YEATS2: variants seen among roughly 807,000 people sequenced by gnomAD.
YEATS2 encodes the protein YEATS domain containing 2, also known as YEATS domain-containing protein 2.
A neutral mutation model predicts 163.2 loss-of-function variants in YEATS2; 77 were observed. The observed-to-expected ratio is 0.47, with a 90% confidence interval of 0.39 to 0.57. The LOEUF (loss-of-function observed/expected upper bound fraction) is 0.57, where lower values mean the gene tolerates loss of function less well. YEATS2 is among the 20% of genes least tolerant of loss of function. The pLI is 0.00. For missense variants in YEATS2, 1,549 were observed against 1,729.8 expected (o/e 0.90, Z 1.85); for synonymous variants, 631 against 645.1 (o/e 0.98, Z 0.33).
At chr3:183,760,241 T>C (rs1721197774) in intron 13 of YEATS2, among the ~76,000 whole-genome samples, 2 of 152,156 alleles carry the variant, frequency 1.3e-5, no homozygotes, top group Non-Finnish European at 2.9e-5. Flanking sequence ...GAAGTGTTCT[T>C]CGTTTCCAAA....
intron 10 of YEATS2, among the ~76,000 whole-genome samples, chr3:183,753,222 T>G (rs1720367378): frequency 6.6e-6 from 1 of 152,172 alleles, no homozygotes; most frequent in Admixed American, 6.6e-5. Flanking sequence ...TAAGAAAAGA[T>G]TCATCACCAA....
intron 17 of YEATS2, among the ~76,000 whole-genome samples, 182 bp from the exon 18 acceptor site, chr3:183,775,733 A>C (rs1197074835): frequency 6.6e-6 from 1 of 152,212 alleles, no homozygotes. Context: ...TTTGATCTAA[A>C]ATCTAGGAAG....
intron 25 of YEATS2, chr3:183,801,944 G>T: frequency 6.3e-6 from 1 of 159,440 alleles, no homozygotes. Context: ...TTACAGATGA[G>T]GAAACTGAGG....
chr3:183,722,238 GA>G (rs1716576769), intron 5 of YEATS2, 102 bp downstream of exon 5: 1 of 1,200,864 alleles, frequency 8.3e-7, no homozygotes, highest in South Asian at 1.9e-5. Flanking sequence ...GGAATCTTAG[GA>G]AATAGGTTTG....
chr3:183,780,000 C>CTTT (rs71298586), intron 19 of YEATS2, among the ~76,000 whole-genome samples: 2 of 134,810 alleles, frequency 1.5e-5, no homozygotes, highest in African/African-American at 2.8e-5. Context: ...CTGGCCTTTA[C>CTTT]TTTTTTTTTT....
intron 1 of YEATS2, among the ~76,000 whole-genome samples, chr3:183,711,451 A>C (rs577684892): frequency 4.1e-4 from 60 of 146,288 alleles, no homozygotes; most frequent in Admixed American, 1.9e-3. Flanking sequence ...CCAGCCTGGG[A>C]GACAGCGAGA....
chr3:183,747,568 TG>T, intron 8 of YEATS2, 103 bp from the exon 9 acceptor site: 2 of 802,388 alleles, frequency 2.5e-6, no homozygotes. Context: ...GTAGATCCTA[TG>T]GTATGAAGAC....
intron 10 of YEATS2, among the ~76,000 whole-genome samples, chr3:183,752,859 A>T (rs913668265): frequency 6.6e-6 from 1 of 151,652 alleles, no homozygotes; most frequent in Non-Finnish European, 1.5e-5. Flanking sequence ...GTGCAGTGGC[A>T]TGATCTCGCC....
At chr3:183,788,545 C>A (rs1219620203) in intron 20 of YEATS2, among the ~76,000 whole-genome samples, 1 of 152,190 alleles carries the variant, frequency 6.6e-6, no homozygotes. Flanking sequence ...TTATCGTTCA[C>A]CTGGTGATGG....
At chr3:183,741,181 C>T (rs1330896445) in intron 8 of YEATS2, among the ~76,000 whole-genome samples, 5 of 151,960 alleles carry the variant, frequency 3.3e-5, no homozygotes, top group Non-Finnish European at 7.4e-5. Flanking sequence ...TCAAGTGATC[C>T]ACCCGCCTCA....
chr3:183,811,163 G>A lies in YEATS2; in HGVS notation c.*580G>A, dbSNP rs1208989845. The A allele has an allele frequency of 6.5e-6, 1 of 153,254 alleles. No individual in the cohort carries two copies. Among genetic ancestry groups the A allele is most frequent in the Non-Finnish European group, 1.5e-5 (1 of 68,836 alleles). The allele number at this position is 153,254 out of a possible 1,614,324, so 9.5% of individuals were successfully genotyped here. On this transcript the variant is annotated 3_prime_UTR_variant, in exon 31 of 31. Coordinates refer to ENST00000305135, the MANE Select transcript of YEATS2 (RefSeq NM_018023.5). ...AACCATGAAGGCCTGAGAGACGGCA[G>A]ACTGAGCAGAATTCCTTTTTTGAGC...
rs772974744 is a variant in YEATS2, at chr3:183,712,759, T to C, written c.-19-2385T>C. Among the ~76,000 whole-genome samples the C allele has an allele frequency of 1.4e-3, 191 of 139,480 alleles. 1 individual carries two copies. The highest frequency in any genetic ancestry group is 2.1e-3 in the Non-Finnish European group (140 of 65,172). 91.5% of individuals were successfully genotyped at this position (139,480 alleles called of 152,430 possible). On this transcript the variant is annotated intron_variant, in intron 1 of 30. Coordinates refer to ENST00000305135, the MANE Select transcript of YEATS2 (RefSeq NM_018023.5). ...GCCTTAGGATTGTGGCTAATACTAA[T>C]ACAAATTTTTTTTTTTTTTCGAGAG...
intron 1 of YEATS2, among the ~76,000 whole-genome samples, chr3:183,699,279 A>C (rs1260611252): frequency 2.0e-5 from 3 of 151,892 alleles, no homozygotes; most frequent in Non-Finnish European, 2.9e-5. Flanking sequence ...AATGGAAGAG[A>C]GAAATTTGAG....
chr3:183,802,404 T>C (rs1239858089), intron 25 of YEATS2: 2 of 153,050 alleles, frequency 1.3e-5, no homozygotes, highest in Non-Finnish European at 2.9e-5. Context: ...TGGGGGATCA[T>C]TTTGATGTCT....
Position 183,807,059 on chromosome 3 carries a change from A to G in YEATS2, c.3978A>G (p.Pro1326=). The G allele has an allele frequency of 6.2e-7, 1 of 1,613,958 alleles. No individual in the cohort carries two copies. The highest frequency in any genetic ancestry group is 8.5e-7 in the Non-Finnish European group (1 of 1,179,978). ...EEVKFYLPPT[P]GSEFIGDVTQ... ...TCAAGTTCTACCTGCCACCAACCCC[A>G]GGGTCTGAATTTATTGGGGATGTCA... Residue 1326 remains proline (P), a synonymous_variant, in exon 28 of 31, where the codon CCA becomes CCG. Transcript: ENST00000305135.
At chr3:183,701,079 A>G (rs1714035338) in intron 1 of YEATS2, among the ~76,000 whole-genome samples, 1 of 150,358 alleles carries the variant, frequency 6.7e-6, no homozygotes, top group Non-Finnish European at 1.5e-5. Flanking sequence ...GTGTATATAT[A>G]TATAAATTTT....
intron 11 of YEATS2, 62 bp from the exon 12 acceptor site, chr3:183,756,466 C>T (rs1720775633): frequency 7.0e-7 from 1 of 1,437,312 alleles, no homozygotes; most frequent in African/African-American, 1.5e-5. Flanking sequence ...TTGTCCTCGA[C>T]ATCTTCTTAC....
rs1274813572 is a variant in YEATS2 at position 183,776,033 on chromosome 3, A to G, written c.2487A>G (p.Thr829=). Residue 829 remains threonine, a synonymous_variant, in exon 18 of 31, where the codon ACA becomes ACG. Transcript: ENST00000305135. ...GGGSTGGGGG[T]AGGGTQSTAG... ...GCAGCACAGGAGGAGGAGGAGGAAC[A>G]GCAGGAGGAGGAACTCAAAGTACTG... 1 of 1,613,148 alleles carries G rather than the reference A, an allele frequency of 6.2e-7. No homozygotes were observed. Among genetic ancestry groups the G allele is most frequent in the Admixed American group, 1.7e-5 (1 of 59,972 alleles).
At chr3:183,781,148 A>G (rs1049615802) in intron 19 of YEATS2, among the ~76,000 whole-genome samples, 1 of 152,166 alleles carries the variant, frequency 6.6e-6, no homozygotes, top group Non-Finnish European at 1.5e-5. Context: ...TATTATGAGA[A>G]TTGGCTCCTG....
Sources: gnomAD v4.1 joint callset for allele counts (sites outside exome capture counted in the v4.1 genomes callset) on GRCh38, gnomAD v4.1.1 for gene constraint, MANE v1.5 for transcripts, NCBI Gene and HGNC (gene_info 2026-07-23, HGNC 2026-07-21) for gene names.